Variants in CREB5 observed in about 807,000 individuals in gnomAD.
CREB5 encodes cAMP responsive element binding protein 5.
CREB5 carries 19 observed loss-of-function variants against 57.1 expected under a neutral mutation model. That is an observed-to-expected ratio of 0.33 (90% CI 0.23 to 0.49). The LOEUF (loss-of-function observed/expected upper bound fraction) is 0.49. CREB5 is among the 20% of genes least tolerant of loss of function. The pLI, the probability that CREB5 is intolerant of heterozygous loss-of-function variation, is 0.99. For missense variants in CREB5, 579 were observed against 671.6 expected, an observed-to-expected ratio of 0.86 and a Z score of 1.52; for synonymous variants, 238 against 238.3, an observed-to-expected ratio of 1.00 and a Z score of 0.01.
At chr7:28,402,071 C>T (rs1164589487) in intron 1 of CREB5, among the ~76,000 whole-genome samples, 2 of 152,192 alleles carry the variant, frequency 1.3e-5, no homozygotes, top group Non-Finnish European at 2.9e-5. Flanking sequence ...TCTCCAGCAC[C>T]TGTTGTTTCC....
intron 4 of CREB5, among the ~76,000 whole-genome samples, chr7:28,562,542 T>C (rs1795317767): frequency 6.6e-6 from 1 of 152,154 alleles, no homozygotes; most frequent in Non-Finnish European, 1.5e-5. Flanking sequence ...ACCTCACTTA[T>C]GGGGGCCGTC....
At chr7:28,560,987 T>TGCGTGCGTGCGCGTGC (rs1212595303) in intron 4 of CREB5, among the ~76,000 whole-genome samples, 1 of 64,454 alleles carries the variant, frequency 1.6e-5, no homozygotes, top group Non-Finnish European at 3.5e-5. Flanking sequence ...TGTGCGTGCG[T>TGCGTGCGTGCGCGTGC]GTGTGTGCCT....
chr7:28,454,373 G>A (rs1011637487), intron 1 of CREB5, among the ~76,000 whole-genome samples: 18 of 152,192 alleles, frequency 1.2e-4, no homozygotes, highest in African/African-American at 4.3e-4. Context: ...TGTTCTTCCT[G>A]GGGCACCAGA....
chr7:28,725,310 C>T (rs1803270754), intron 7 of CREB5, among the ~76,000 whole-genome samples: 1 of 152,178 alleles, frequency 6.6e-6, no homozygotes, highest in South Asian at 2.1e-4. Context: ...TCAATGTCAG[C>T]AAGAGTTTTC....
chr7:28,515,996 T>C (rs1792933370), intron 4 of CREB5, among the ~76,000 whole-genome samples: 1 of 151,966 alleles, frequency 6.6e-6, no homozygotes, highest in South Asian at 2.1e-4. Flanking sequence ...TCACTTGAGC[T>C]CAGGAGTTTA....
intron 5 of CREB5, among the ~76,000 whole-genome samples, chr7:28,674,709 A>G (rs1460772371): frequency 6.6e-6 from 1 of 152,252 alleles, no homozygotes; most frequent in Non-Finnish European, 1.5e-5. Flanking sequence ...ACAAGCCTGT[A>G]TCACTACTCA....
At chr7:28,811,569 T>A (rs1454546595) in intron 9 of CREB5, among the ~76,000 whole-genome samples, 1 of 152,046 alleles carries the variant, frequency 6.6e-6, no homozygotes, top group Non-Finnish European at 1.5e-5. Flanking sequence ...CAAGGTCTTA[T>A]TATCTTGCCC....
In CREB5 at chr7:28,507,604, C is replaced by T. The variant is rs1451885390; in HGVS notation, c.170-12C>T. On this transcript the variant is annotated splice_polypyrimidine_tract_variant and intron_variant, in intron 3 of 10. Transcript: ENST00000357727. ...AAAGACCCATTTATGAGCTCTCCGA[C>T]TCTGTTTTCAGATCAAACTCCGACC... 1 of 1,605,116 alleles carries T rather than the reference C, an allele frequency of 6.2e-7. No homozygotes were observed. The highest frequency in any genetic ancestry group is 8.5e-7 in the Non-Finnish European group (1 of 1,173,470).
chr7:28,304,687 T>C (rs1018523437), intron 1 of CREB5, among the ~76,000 whole-genome samples: 5 of 152,198 alleles, frequency 3.3e-5, no homozygotes, highest in African/African-American at 1.2e-4. Flanking sequence ...AATTGTGGAC[T>C]AGTAGATAAA....
At chr7:28,707,919 T>A (rs1372045695) in intron 5 of CREB5, among the ~76,000 whole-genome samples, 1 of 152,224 alleles carries the variant, frequency 6.6e-6, no homozygotes, top group South Asian at 2.1e-4. Context: ...AGAAGTCTTA[T>A]TTCCTTTACT....
At chr7:28,690,636 C>T (rs1421376826) in intron 5 of CREB5, among the ~76,000 whole-genome samples, 1 of 152,132 alleles carries the variant, frequency 6.6e-6, no homozygotes, top group Non-Finnish European at 1.5e-5. Context: ...CCTCGAGGAG[C>T]CATTGCGAGG....
chr7:28,596,637 G>T (rs1208295014), intron 5 of CREB5, among the ~76,000 whole-genome samples: 1 of 152,146 alleles, frequency 6.6e-6, no homozygotes, highest in Non-Finnish European at 1.5e-5. Flanking sequence ...AGCTAGACCT[G>T]GGTCCAAGCC....
chr7:28,483,507 A>G (rs750757464), intron 1 of CREB5, among the ~76,000 whole-genome samples: 9 of 152,098 alleles, frequency 5.9e-5, no homozygotes, highest in Non-Finnish European at 1.0e-4. Flanking sequence ...ATCAGGAGGC[A>G]TTTTTTTCTA....
At chr7:28,425,369 A>G (rs938279004) in intron 1 of CREB5, among the ~76,000 whole-genome samples, 1 of 152,108 alleles carries the variant, frequency 6.6e-6, no homozygotes, top group Admixed American at 6.6e-5. Flanking sequence ...AATTCCATAC[A>G]TAGGAAATGT....
chr7:28,365,423 G>A (rs975487940), intron 1 of CREB5, among the ~76,000 whole-genome samples: 4 of 151,908 alleles, frequency 2.6e-5, no homozygotes, highest in Non-Finnish European at 5.9e-5. Flanking sequence ...CTTTCCTCCC[G>A]GAATTATCCC....
intron 7 of CREB5, among the ~76,000 whole-genome samples, chr7:28,781,929 ATG>A (rs143474810): frequency 2.2e-5 from 3 of 136,438 alleles, no homozygotes; most frequent in African/African-American, 7.5e-5. Flanking sequence ...AATTTCAACA[ATG>A]TGTGTTTTTT....
chr7:28,627,796 G>A (rs190636763), intron 5 of CREB5, among the ~76,000 whole-genome samples: 1 of 151,954 alleles, frequency 6.6e-6, no homozygotes. Flanking sequence ...AAACCTCAGG[G>A]CATTCATTAG....
chr7:28,474,510 C>T (rs1790977539), intron 1 of CREB5, among the ~76,000 whole-genome samples: 1 of 152,112 alleles, frequency 6.6e-6, no homozygotes, highest in African/African-American at 2.4e-5. Flanking sequence ...AGAAAGGAGA[C>T]ACTAGTTAAC....
chr7:28,428,898 C>G (rs886573671), intron 1 of CREB5, among the ~76,000 whole-genome samples: 32 of 152,316 alleles, frequency 2.1e-4, no homozygotes, highest in African/African-American at 7.0e-4. Context: ...AGGGCCTTGG[C>G]ATATGCTGCC....
Sources: gnomAD v4.1 joint callset for allele counts (sites outside exome capture counted in the v4.1 genomes callset) on GRCh38, gnomAD v4.1.1 for gene constraint, MANE v1.5 for transcripts, NCBI Gene and HGNC (gene_info 2026-07-23, HGNC 2026-07-21) for gene names.